Variants in RANBP17 observed in about 807,000 individuals in gnomAD.
RANBP17 encodes RAN binding protein 17, also known as ran-binding protein 17.
A neutral mutation model predicts 141.2 loss-of-function variants in RANBP17; 158 were observed. The observed-to-expected ratio is 1.12, with a 90% confidence interval of 0.98 to 1.28. The LOEUF is 1.28. Among genes scored for constraint, RANBP17 ranks in the 50% most tolerant of loss-of-function variants. The probability of loss-of-function intolerance (pLI) is 0.00; values close to 1 mark genes in which losing one functional copy is unlikely to be tolerated. For synonymous variants in RANBP17, 430 were observed against 450.0 expected, an observed-to-expected ratio of 0.96 and a Z score of 0.56; for missense variants, 1,438 against 1,290.7, an observed-to-expected ratio of 1.11 and a Z score of -1.75.
intron 14 of RANBP17, among the ~76,000 whole-genome samples, chr5:171,159,148 T>C (rs559889167): frequency 6.6e-6 from 1 of 152,216 alleles, no homozygotes. Flanking sequence ...AATTAAAAGC[T>C]TGTTTAGTGG....
At chr5:171,248,222 C>T (rs963093244) in intron 24 of RANBP17, among the ~76,000 whole-genome samples, 2 of 152,056 alleles carry the variant, frequency 1.3e-5, no homozygotes, top group African/African-American at 4.8e-5. Context: ...AAAAAATTAG[C>T]TGGGCGTGGT....
intron 14 of RANBP17, among the ~76,000 whole-genome samples, chr5:171,005,345 A>G (rs1445450206): frequency 6.6e-6 from 1 of 152,210 alleles, no homozygotes; most frequent in African/African-American, 2.4e-5. Flanking sequence ...TTCAAACTGT[A>G]CTACAAGGCT....
At chr5:170,865,317 C>T (rs1767155094) in intron 1 of RANBP17, among the ~76,000 whole-genome samples, 1 of 152,180 alleles carries the variant, frequency 6.6e-6, no homozygotes, top group African/African-American at 2.4e-5. Flanking sequence ...CCCACTTCGG[C>T]CTCCCAAAGT....
intron 14 of RANBP17, among the ~76,000 whole-genome samples, chr5:170,980,608 C>T (rs927915782): frequency 3.3e-5 from 5 of 152,300 alleles, no homozygotes; most frequent in Middle Eastern, 3.4e-3. Context: ...GCCTTGGCAC[C>T]TTCCATGTGG....
At chr5:170,963,904 A>G (rs1776327362) in intron 13 of RANBP17, among the ~76,000 whole-genome samples, 1 of 152,236 alleles carries the variant, frequency 6.6e-6, no homozygotes, top group African/African-American at 2.4e-5. Flanking sequence ...AATAATTTGT[A>G]AAACTCAGTA....
At chr5:170,891,730 G>A (rs1326609569) in intron 3 of RANBP17, among the ~76,000 whole-genome samples, 1 of 152,110 alleles carries the variant, frequency 6.6e-6, no homozygotes, top group African/African-American at 2.4e-5. Context: ...TTACTATCAT[G>A]AGAACATCAA....
intron 14 of RANBP17, among the ~76,000 whole-genome samples, chr5:171,104,761 G>A (rs955819948): frequency 1.3e-5 from 2 of 152,088 alleles, no homozygotes; most frequent in Admixed American, 1.3e-4. Flanking sequence ...TACCTTATAG[G>A]TCTAATGTGA....
At chr5:170,974,902 G>T (rs2127540221) in intron 14 of RANBP17, among the ~76,000 whole-genome samples, 1 of 152,262 alleles carries the variant, frequency 6.6e-6, no homozygotes, top group East Asian at 1.9e-4. Flanking sequence ...AAGTGCTAGG[G>T]TCCTGTGAGT....
At chr5:171,259,775 G>A (rs1766160555) in intron 24 of RANBP17, among the ~76,000 whole-genome samples, 1 of 152,214 alleles carries the variant, frequency 6.6e-6, no homozygotes, top group African/African-American at 2.4e-5. Context: ...GAGGTCAGGA[G>A]TTTGAGACCA....
intron 6 of RANBP17, 30 bp from the exon 7 acceptor site, chr5:170,910,939 G>A (rs1771471421): frequency 1.3e-6 from 2 of 1,599,378 alleles, no homozygotes; most frequent in African/African-American, 1.3e-5. Flanking sequence ...GTATTTCGCA[G>A]TGTTTTCTTT....
chr5:171,028,643 G>T lies in RANBP17; in HGVS notation c.1710+60266G>T, dbSNP rs374904837. Among the ~76,000 whole-genome samples the T allele has an allele frequency of 4.3e-4, 66 of 152,200 alleles. 1 individual carries two copies. In the South Asian group the frequency reaches 0.013, roughly 31 times the overall value. On this transcript the variant is annotated intron_variant, in intron 14 of 27. Coordinates refer to ENST00000523189, the MANE Select transcript of RANBP17 (RefSeq NM_022897.5). The stretch of plus-strand genomic sequence containing the variant: ...GATTTGTAAGATGTCATGATCAATT[G>T]TGGTTAGCATCTTTATTATTATATC...
At chr5:171,096,442 A>G (rs1786696451) in intron 14 of RANBP17, among the ~76,000 whole-genome samples, 2 of 152,328 alleles carry the variant, frequency 1.3e-5, no homozygotes, top group East Asian at 3.9e-4. Flanking sequence ...AGGAAATCCG[A>G]GGAGAAATGC....
intron 1 of RANBP17, among the ~76,000 whole-genome samples, chr5:170,874,958 G>T (rs569698298): frequency 1.3e-5 from 2 of 152,242 alleles, no homozygotes; most frequent in Non-Finnish European, 2.9e-5. Flanking sequence ...TTTTGCAGTG[G>T]CTGGTACCAG....
At chr5:171,176,735 T>C (rs1760508680) in intron 16 of RANBP17, among the ~76,000 whole-genome samples, 1 of 152,214 alleles carries the variant, frequency 6.6e-6, no homozygotes, top group Non-Finnish European at 1.5e-5. Flanking sequence ...GCCCCTTTTA[T>C]TCGAGGTCAT....
At chr5:170,874,756 A>C (rs867800517) in intron 1 of RANBP17, among the ~76,000 whole-genome samples, 1 of 151,774 alleles carries the variant, frequency 6.6e-6, no homozygotes, top group Non-Finnish European at 1.5e-5. Context: ...AATACAGTAC[A>C]CTGATGGGAC....
intron 11 of RANBP17, 76 bp from the exon 12 acceptor site, chr5:170,924,281 A>T: frequency 1.1e-6 from 1 of 943,556 alleles, no homozygotes; most frequent in Non-Finnish European, 1.5e-6. Flanking sequence ...ATTTTTATTT[A>T]ACATGAAGTT....
intron 14 of RANBP17, among the ~76,000 whole-genome samples, chr5:171,052,967 C>T (rs1028333850): frequency 6.5e-5 from 2 of 30,592 alleles, no homozygotes; most frequent in Non-Finnish European, 1.8e-4. Context: ...ATTATCCTGC[C>T]TCAGCCTCCC....
chr5:171,230,306 A>G (rs1010078309), intron 22 of RANBP17, among the ~76,000 whole-genome samples: 2 of 152,312 alleles, frequency 1.3e-5, no homozygotes, highest in African/African-American at 4.8e-5. Flanking sequence ...CATTTAAAGA[A>G]GAGAATAGAT....
chr5:170,888,453 A>G (rs1336042305), intron 3 of RANBP17, among the ~76,000 whole-genome samples: 1 of 152,134 alleles, frequency 6.6e-6, no homozygotes, highest in Non-Finnish European at 1.5e-5. Context: ...ATTTAAATCT[A>G]AGTATTAATA....
Sources: allele counts gnomAD v4.1 joint callset (sites outside exome capture counted in the v4.1 genomes callset), GRCh38; gene constraint gnomAD v4.1.1; transcripts MANE v1.5; gene names NCBI Gene and HGNC (gene_info 2026-07-23, HGNC 2026-07-21).